Variants in TBC1D22B observed in about 807,000 individuals in gnomAD.
The protein encoded by TBC1D22B is TBC1 domain family member 22B.
Under a neutral mutation model 69.1 loss-of-function variants are expected in TBC1D22B, and 32 were observed. That is an observed-to-expected ratio of 0.46 (90% CI 0.35 to 0.62). The LOEUF is 0.62. TBC1D22B is among the 20% of genes least tolerant of loss of function. The probability of loss-of-function intolerance (pLI) is 0.00; values close to 1 mark genes in which losing one functional copy is unlikely to be tolerated. For synonymous variants in TBC1D22B, 206 were observed against 229.8 expected, an observed-to-expected ratio of 0.90 and a Z score of 0.94; for missense variants, 462 against 630.9, an observed-to-expected ratio of 0.73 and a Z score of 2.87.
At chr6:37,294,036 A>C (rs1484344711) in intron 8 of TBC1D22B, among the ~76,000 whole-genome samples, 1 of 152,204 alleles carries the variant, frequency 6.6e-6, no homozygotes, top group African/African-American at 2.4e-5. Flanking sequence ...TCTCCATAAC[A>C]TGAAAGTGCA....
At chr6:37,312,009 G>T (rs1767928390) in intron 8 of TBC1D22B, among the ~76,000 whole-genome samples, 1 of 152,330 alleles carries the variant, frequency 6.6e-6, no homozygotes, top group African/African-American at 2.4e-5. Flanking sequence ...GGCTGCTTAT[G>T]TTTTCCTCAC....
At chr6:37,329,248 A>G (rs540385967) in intron 12 of TBC1D22B, among the ~76,000 whole-genome samples, 2 of 152,334 alleles carry the variant, frequency 1.3e-5, no homozygotes, top group South Asian at 4.1e-4. Flanking sequence ...CATACTGTAA[A>G]TATTGTTCTG....
chr6:37,267,321 TATACAC>T (rs1404097698), intron 1 of TBC1D22B, among the ~76,000 whole-genome samples: 1 of 112,022 alleles, frequency 8.9e-6, no homozygotes, highest in African/African-American at 3.4e-5. Context: ...TATATATATA[TATACAC>T]ACACACATAT....
chr6:37,314,394 G>T (rs1305976470), intron 10 of TBC1D22B, among the ~76,000 whole-genome samples: 2 of 152,194 alleles, frequency 1.3e-5, no homozygotes, highest in Non-Finnish European at 2.9e-5. Context: ...TCCTGGGCTT[G>T]ATATGGGGTC....
intron 7 of TBC1D22B, among the ~76,000 whole-genome samples, chr6:37,290,176 C>T (rs957047021): frequency 6.6e-6 from 1 of 152,136 alleles, no homozygotes; most frequent in African/African-American, 2.4e-5. Context: ...CTGCCTTCCA[C>T]CTGCTTGAGA....
At chr6:37,265,200 C>T (rs1176636882) in intron 1 of TBC1D22B, among the ~76,000 whole-genome samples, 1 of 152,228 alleles carries the variant, frequency 6.6e-6, no homozygotes, top group Non-Finnish European at 1.5e-5. Context: ...CTGGCTATGC[C>T]AGCACCTTGG....
chr6:37,295,118 T>C (rs887297493), intron 8 of TBC1D22B, among the ~76,000 whole-genome samples: 3 of 152,176 alleles, frequency 2.0e-5, no homozygotes, highest in African/African-American at 7.2e-5. Flanking sequence ...ATTTATTTAT[T>C]TGGAGACAGG....
intron 12 of TBC1D22B, among the ~76,000 whole-genome samples, chr6:37,321,263 C>G (rs1467844438): frequency 1.3e-5 from 2 of 151,616 alleles, no homozygotes; most frequent in African/African-American, 4.8e-5. Flanking sequence ...CTGGAATCCA[C>G]TCTCTGAACC....
chr6:37,287,111 G>A lies in TBC1D22B; in HGVS notation c.867+39G>A, dbSNP rs186881210. On this transcript the variant is annotated intron_variant, in intron 7 of 12. Coordinates refer to ENST00000373491, the MANE Select transcript of TBC1D22B (RefSeq NM_017772.4). ...TTAATGTTCTTTGGCGCTTCTCCCC[G>A]CATAGTTCTGTGGCACCTGTTTACA... 1.2e-4 allele frequency: 182 copies of A among 1,538,674 alleles called. No homozygotes were observed. In the East Asian group the frequency reaches 3.6e-3, roughly 30 times the overall value.
At position 37,258,957 on chromosome 6, in the gene TBC1D22B, C is replaced by CTT. The variant is rs11379139; in HGVS notation, c.56+994_56+995dup. 1.1e-3 allele frequency among the ~76,000 whole-genome samples: 166 copies of CTT among 145,126 alleles called. 1 individual carries two copies. Among genetic ancestry groups the CTT allele is most frequent in the Non-Finnish European group, 1.4e-3 (96 of 66,698 alleles). On this transcript the variant is annotated intron_variant, in intron 1 of 12. Coordinates refer to ENST00000373491, the MANE Select transcript of TBC1D22B (RefSeq NM_017772.4). ...CTGGGATAATCTTTTGAACTCGTGA[C>CTT]TTTTTTTTTTTAAGCGAGAGAGAGA...
chr6:37,263,646 C>CG (rs954045616), intron 1 of TBC1D22B, among the ~76,000 whole-genome samples: 2 of 152,140 alleles, frequency 1.3e-5, no homozygotes, highest in African/African-American at 4.8e-5. Flanking sequence ...TGCAGTGGCC[C>CG]GATCTCCGCT....
Position 37,298,539 on chromosome 6 carries a change from G to GTTTTGTTTTTT in TBC1D22B, c.982+7186_982+7187insGTTTTTTTTTT, listed in dbSNP as rs1346408261. Among the ~76,000 whole-genome samples, 22 of 71,266 alleles carry GTTTTGTTTTTT rather than the reference G, an allele frequency of 3.1e-4. 2 individuals carry two copies. Among genetic ancestry groups the GTTTTGTTTTTT allele is most frequent in the African/African-American group, 1.3e-3 (22 of 16,310 alleles). The allele number at this position is 71,266 out of a possible 152,430, so 46.8% of individuals were successfully genotyped here. A position where few individuals can be genotyped will look rare whatever the true frequency, so the allele number is the denominator to read the frequency against. ...TAGAAGAACATTTAAGTTGCCTACAGTTTTTTTTTTTTTTTTTTTTTTTTG... is the reference window on the plus strand; with the variant it reads ...TAGAAGAACATTTAAGTTGCCTACAGTTTTGTTTTTTTTTTTTTTTTTTTTTTTTTTTTTTG... On this transcript the variant is annotated intron_variant, in intron 8 of 12. Coordinates refer to ENST00000373491, the MANE Select transcript of TBC1D22B (RefSeq NM_017772.4).
Position 37,311,514 on chromosome 6 carries a change from C to T in TBC1D22B, c.983-1404C>T, listed in dbSNP as rs984166640. 8.6e-5 allele frequency among the ~76,000 whole-genome samples: 13 copies of T among 151,634 alleles called. No individual in the cohort carries two copies. The East Asian group carries it at 9.7e-4, about 11-fold the overall frequency. On this transcript the variant is annotated intron_variant, in intron 8 of 12. Coordinates refer to ENST00000373491, the MANE Select transcript of TBC1D22B (RefSeq NM_017772.4). ...TGGTAAAAACTCATCTCTACAAAAA[C>T]GACAAAAAATTAGCTGGGCGTGGTT...
At chr6:37,289,630 G>T (rs748719733) in intron 7 of TBC1D22B, among the ~76,000 whole-genome samples, 51 of 152,200 alleles carry the variant, frequency 3.4e-4, no homozygotes, top group Non-Finnish European at 6.0e-4. Flanking sequence ...TAGAGTAGAA[G>T]CCCTTCTAAG....
At chr6:37,288,633 T>G (rs150747423) in intron 7 of TBC1D22B, among the ~76,000 whole-genome samples, 243 of 151,868 alleles carry the variant, frequency 1.6e-3, no homozygotes, top group African/African-American at 5.5e-3. Context: ...CCTGTGCTAC[T>G]TGGGAGGCTG....
At chr6:37,304,006 G>C (rs1013819677) in intron 8 of TBC1D22B, among the ~76,000 whole-genome samples, 1 of 152,192 alleles carries the variant, frequency 6.6e-6, no homozygotes, top group African/African-American at 2.4e-5. Context: ...TCCAAAATAG[G>C]CATTCCACAC....
At chr6:37,296,314 A>G (rs2113759100) in intron 8 of TBC1D22B, among the ~76,000 whole-genome samples, 1 of 152,288 alleles carries the variant, frequency 6.6e-6, no homozygotes, top group African/African-American at 2.4e-5. Flanking sequence ...TGATTGATTG[A>G]TTAATTGAGA....
chr6:37,270,203 G>A (rs1766440209), intron 2 of TBC1D22B, among the ~76,000 whole-genome samples: 2 of 152,182 alleles, frequency 1.3e-5, no homozygotes, highest in Admixed American at 1.3e-4. Flanking sequence ...TGTAATCCCA[G>A]CACTTTGGGA....
chr6:37,282,049 C>T, intron 3 of TBC1D22B, 136 bp from the exon 4 acceptor site: 3 of 938,342 alleles, frequency 3.2e-6, no homozygotes, highest in Non-Finnish European at 4.9e-6. Context: ...TGCCCTTCAG[C>T]TGGGCACCTC....
Sources: allele counts gnomAD v4.1 joint callset (sites outside exome capture counted in the v4.1 genomes callset), GRCh38; gene constraint gnomAD v4.1.1; transcripts MANE v1.5; gene names NCBI Gene and HGNC (gene_info 2026-07-23, HGNC 2026-07-21).